The following SIX3 variants were observed in gnomAD, a reference collection of about 807,000 sequenced individuals.
SIX3 encodes the protein homeobox protein SIX3.
Under a neutral mutation model 21.7 loss-of-function variants are expected in SIX3, and 2 were observed. The ratio of observed to expected loss-of-function variants is 0.09; its 90% confidence interval spans 0.04 to 0.29. The LOEUF (loss-of-function observed/expected upper bound fraction) is 0.29, where lower values mean the gene tolerates loss of function less well. Among genes scored for constraint, SIX3 ranks in the 10% least tolerant of loss-of-function variants. SIX3 has a pLI of 1.00. For missense variants in SIX3, 347 were observed against 480.7 expected, an observed-to-expected ratio of 0.72 and a Z score of 2.60; for synonymous variants, 243 against 220.6, an observed-to-expected ratio of 1.10 and a Z score of -0.90.
Position 44,944,603 on chromosome 2 carries a change from G to A in SIX3, c.842G>A (p.Arg281His). ...CAGGCCATTGGACCGAGCGGCATGCGCTCGCTGGCCGAGCCCGGCTGCCCC... is the reference window on the plus strand; with the variant it reads ...CAGGCCATTGGACCGAGCGGCATGCACTCGCTGGCCGAGCCCGGCTGCCCC... ...QHQAIGPSGM[R>H]SLAEPGCPTH... Residue 281 changes from arginine (R) to histidine (H), a missense_variant, in exon 2 of 2, where the codon CGC becomes CAC. Arg to His is a conservative substitution (Grantham distance 29). Coordinates refer to ENST00000260653, the MANE Select transcript of SIX3 (RefSeq NM_005413.4). 1 of 1,576,328 alleles carries A rather than the reference G, an allele frequency of 6.3e-7. No homozygotes were observed. The highest frequency in any genetic ancestry group is 8.6e-7 in the Non-Finnish European group (1 of 1,168,210).
chr2:44,941,915 T>C lies in SIX3; in HGVS notation c.-190T>C. ...GTGGCTGCGCGGGTGTGTGTGTGTG[T>C]GGATGTGTGTGGGGTGTGGGTGTCC... is the stretch of plus-strand genomic sequence containing the variant. On this transcript the variant is annotated 5_prime_UTR_variant, in exon 1 of 2. Coordinates refer to ENST00000260653, the MANE Select transcript of SIX3 (RefSeq NM_005413.4). 1.8e-6 allele frequency: 1 copy of C among 564,616 alleles called. No individual in the cohort carries two copies. Among genetic ancestry groups the C allele is most frequent in the Non-Finnish European group, 3.3e-6 (1 of 301,000 alleles). 35.0% of individuals were successfully genotyped at this position (564,616 alleles called of 1,614,324 possible). A position where few individuals can be genotyped will look rare whatever the true frequency, so the allele number is the denominator to read the frequency against.
Position 44,942,958 on chromosome 2 carries a change from A to G in SIX3, c.806+48A>G. The G allele has an allele frequency of 1.3e-6, 2 of 1,570,054 alleles. No homozygotes were observed. Among genetic ancestry groups the G allele is most frequent in the Non-Finnish European group, 1.7e-6 (2 of 1,165,740 alleles). ...TGGCTACAGCCTCAGAGGCCTGGGA[A>G]GGGGAGAGGGGTTGAGATGGGGCTA... is the stretch of plus-strand genomic sequence containing the variant. On this transcript the variant is annotated intron_variant, in intron 1 of 1. Transcript: ENST00000260653. This position sits in a 1 kb window ranked among gnomAD's most constrained non-coding sequence, Gnocchi z 8.4.
chr2:44,944,177 G>C (rs992010832), intron 1 of SIX3, among the ~76,000 whole-genome samples: 3 of 152,252 alleles, frequency 2.0e-5, no homozygotes, highest in Admixed American at 2.0e-4. Context: ...CTGGCATCCA[G>C]AGAGCAAAGT....
At chr2:44,944,513 G>T (rs1195441755) in intron 1 of SIX3, 55 bp from the exon 2 acceptor site, 1 of 1,516,846 alleles carries the variant, frequency 6.6e-7, no homozygotes, top group Non-Finnish European at 8.8e-7. Context: ...CGGCGCGGGG[G>T]AGCCGGGTGG....
At chr2:44,944,219 TG>T (rs1666643206) in intron 1 of SIX3, among the ~76,000 whole-genome samples, 1 of 152,134 alleles carries the variant, frequency 6.6e-6, no homozygotes, top group East Asian at 1.9e-4. Flanking sequence ...GGCCGGGCGG[TG>T]GGGAACCCGC....
chr2:44,942,010 C>T lies in SIX3; in HGVS notation c.-95C>T. On this transcript the variant is annotated 5_prime_UTR_variant, in exon 1 of 2. Transcript: ENST00000260653. The surrounding 1 kb of genome is among the most constrained non-coding windows in gnomAD (Gnocchi z 8.4). ...TTTCCTTCTCCTCCTCCCCCCTCTC[C>T]TCTCCCTCCTCCTGGTCCTCATCGC... 4 of 890,202 alleles carry T rather than the reference C, an allele frequency of 4.5e-6. No homozygotes were observed. The highest frequency in any genetic ancestry group is 3.0e-5 in the East Asian group (1 of 33,162). 55.1% of individuals were successfully genotyped at this position (890,202 alleles called of 1,614,324 possible). A position where few individuals can be genotyped will look rare whatever the true frequency, so the allele number is the denominator to read the frequency against.
chr2:44,942,624 T>G lies in SIX3; in HGVS notation c.520T>G (p.Tyr174Asp). 6.3e-7 allele frequency: 1 copy of G among 1,596,032 alleles called. No homozygotes were observed. The highest frequency in any genetic ancestry group is 8.5e-7 in the Non-Finnish European group (1 of 1,178,684). Residue 174 changes from tyrosine to aspartate, a missense_variant, in exon 1 of 2, where the codon TAC becomes GAC. Tyr to Asp is a radical substitution (Grantham distance 160, BLOSUM62 -3). This residue lies in a region of SIX3 where 117 missense variants were observed against 205.9 expected (regional missense o/e 0.57). Coordinates refer to ENST00000260653, the MANE Select transcript of SIX3 (RefSeq NM_005413.4). This position sits in a 1 kb window ranked among gnomAD's most constrained non-coding sequence, Gnocchi z 8.4. ...KLQAMWLEAH[Y>D]QEAEKLRGRP... ...GCAGGCCATGTGGCTCGAGGCGCACTACCAGGAGGCCGAGAAGCTGCGCGG... is the reference window on the plus strand; with the variant it reads ...GCAGGCCATGTGGCTCGAGGCGCACGACCAGGAGGCCGAGAAGCTGCGCGG...
chr2:44,944,810 C>T lies in SIX3; in HGVS notation c.*50C>T. 6.8e-7 allele frequency: 1 copy of T among 1,476,826 alleles called. No homozygotes were observed. Among genetic ancestry groups the T allele is most frequent in the Non-Finnish European group, 9.2e-7 (1 of 1,092,350 alleles). The allele number at this position is 1,476,826 out of a possible 1,614,324, so 91.5% of individuals were successfully genotyped here. Reference sequence around the variant, plus strand: ...TCCTTCCCCTCCTCCCCCACTCCTTCCCCTCCGCCTCCTAGCCCTCCTCCT... The same window carrying T: ...TCCTTCCCCTCCTCCCCCACTCCTTTCCCTCCGCCTCCTAGCCCTCCTCCT... On this transcript the variant is annotated 3_prime_UTR_variant, in exon 2 of 2. Transcript: ENST00000260653.
intron 1 of SIX3, among the ~76,000 whole-genome samples, chr2:44,944,020 G>A (rs1666637589): frequency 6.6e-6 from 1 of 152,248 alleles, no homozygotes; most frequent in Non-Finnish European, 1.5e-5. Context: ...CCAGGCAGAA[G>A]GTTCCCGGTG....
rs761932777 is a variant in SIX3 at position 44,942,532 on chromosome 2, G to A, written c.428G>A (p.Gly143Asp). The A allele has an allele frequency of 4.0e-5, 64 of 1,598,280 alleles. 1 individual carries two copies. Among genetic ancestry groups the A allele is most frequent in the African/African-American group, 1.3e-5 (1 of 74,890 alleles). Residue 143 changes from glycine to aspartate, a missense_variant, in exon 1 of 2, where the codon GGC (glycine) becomes GAC (aspartate). This residue lies in a region of SIX3 where 117 missense variants were observed against 205.9 expected (regional missense o/e 0.57). Transcript: ENST00000260653. The surrounding 1 kb of genome is among the most constrained non-coding windows in gnomAD (Gnocchi z 8.4). ...CGCGCCGTGGTCGCCTTCCACACGGGCAACTTCCGCGACCTCTACCACATC... is the reference window on the plus strand; with the variant it reads ...CGCGCCGTGGTCGCCTTCCACACGGACAACTTCCGCGACCTCTACCACATC... ...RARAVVAFHT[G>D]NFRDLYHILE...
At position 44,941,807 on chromosome 2, in the gene SIX3, T is replaced by TCTCCCTCTCCC; in HGVS notation, c.-295_-294insCCTCTCCCCTC. ...CGGCGGTGGTTGGCTCTCCCTCTCC[T>TCTCCCTCTCCC]CTCTCCCTCTCCCTCTCCCTCTCTG... On this transcript the variant is annotated 5_prime_UTR_variant, in exon 1 of 2. Coordinates refer to ENST00000260653, the MANE Select transcript of SIX3 (RefSeq NM_005413.4). 1 of 360,422 alleles carries TCTCCCTCTCCC rather than the reference T, an allele frequency of 2.8e-6. No homozygotes were observed. The highest frequency in any genetic ancestry group is 5.2e-6 in the Non-Finnish European group (1 of 190,874). 22.3% of individuals were successfully genotyped at this position (360,422 alleles called of 1,614,324 possible).
chr2:44,945,982 T>C lies in SIX3; in HGVS notation c.*1222T>C, dbSNP rs1666685863. 6.6e-6 allele frequency: 1 copy of C among 152,280 alleles called. No homozygotes were observed. Among genetic ancestry groups the C allele is most frequent in the African/African-American group, 2.4e-5 (1 of 41,474 alleles). 9.4% of individuals were successfully genotyped at this position (152,280 alleles called of 1,614,324 possible). A position where few individuals can be genotyped will look rare whatever the true frequency, so the allele number is the denominator to read the frequency against. ...CTTCAGAGGTATCTCTCACTCCCTGTAGGGCGCTTTTACTGTTATCTTAAA... is the reference window on the plus strand; with the variant it reads ...CTTCAGAGGTATCTCTCACTCCCTGCAGGGCGCTTTTACTGTTATCTTAAA... On this transcript the variant is annotated 3_prime_UTR_variant, in exon 2 of 2. Transcript: ENST00000260653.
chr2:44,944,173 TCCAGA>T, intron 1 of SIX3, among the ~76,000 whole-genome samples: 1 of 152,370 alleles, frequency 6.6e-6, no homozygotes, highest in Middle Eastern at 3.4e-3. Flanking sequence ...TGCGCTGGCA[TCCAGA>T]GAGCAAAGTA....
In SIX3 at chr2:44,941,884, C is replaced by T. The variant is rs562764054; in HGVS notation, c.-221C>T. 4 of 461,782 alleles carry T rather than the reference C, an allele frequency of 8.7e-6. No individual in the cohort carries two copies. The highest frequency in any genetic ancestry group is 5.1e-5 in the South Asian group (2 of 39,548). 28.6% of individuals were successfully genotyped at this position (461,782 alleles called of 1,614,324 possible). A position where few individuals can be genotyped will look rare whatever the true frequency, so the allele number is the denominator to read the frequency against. ...CACCGGGCCGCTCTCCTACCTCCCT[C>T]TCTATGTGGCTGCGCGGGTGTGTGT... On this transcript the variant is annotated 5_prime_UTR_variant, in exon 1 of 2. Transcript: ENST00000260653.
Position 44,942,385 on chromosome 2 carries a change from G to T in SIX3, c.281G>T (p.Ser94Ile). 6.3e-7 allele frequency: 1 copy of T among 1,596,980 alleles called. No individual in the cohort carries two copies. Among genetic ancestry groups the T allele is most frequent in the Non-Finnish European group, 8.5e-7 (1 of 1,179,188 alleles). ...TLNFSPEQVA[S>I]VCETLEETGD... Reference sequence around the variant, plus strand: ...AACTTCTCGCCGGAGCAGGTGGCCAGCGTCTGTGAGACGCTGGAGGAGACG... The same window carrying T: ...AACTTCTCGCCGGAGCAGGTGGCCATCGTCTGTGAGACGCTGGAGGAGACG... Residue 94 changes from serine (S) to isoleucine (I), a missense_variant, in exon 1 of 2, where the codon AGC becomes ATC. This residue lies in a region of SIX3 where 117 missense variants were observed against 205.9 expected (regional missense o/e 0.57). Transcript: ENST00000260653. The surrounding 1 kb of genome is among the most constrained non-coding windows in gnomAD (Gnocchi z 8.4).
Position 44,942,164 on chromosome 2 carries a change from C to A in SIX3, c.60C>A (p.Ala20=), listed in dbSNP as rs370774455. 9.4e-6 allele frequency: 15 copies of A among 1,598,314 alleles called. No individual in the cohort carries two copies. Among genetic ancestry groups the A allele is most frequent in the Non-Finnish European group, 1.3e-5 (15 of 1,179,386 alleles). ...CCCACTTCTTGTTGCCAAACTTCGC[C>A]GATTCTCACCACCGCTCCATACTTC... ...YSSHFLLPNF[A]DSHHRSILLA... The change falls in exon 1 of 2, where the codon GCC becomes GCA. Residue 20 remains alanine (A), a synonymous_variant. Coordinates refer to ENST00000260653, the MANE Select transcript of SIX3 (RefSeq NM_005413.4). The surrounding 1 kb of genome is among the most constrained non-coding windows in gnomAD (Gnocchi z 8.4).
intron 1 of SIX3, among the ~76,000 whole-genome samples, chr2:44,944,181 G>A (rs1666641453): frequency 6.6e-6 from 1 of 152,260 alleles, no homozygotes; most frequent in Non-Finnish European, 1.5e-5. Context: ...CATCCAGAGA[G>A]CAAAGTATGC....
chr2:44,942,119 C>T lies in SIX3; in HGVS notation c.15C>T (p.Ser5=), dbSNP rs763869939. ...CAGGTCAGTCCATGGTATTCCGCTCCCCCCTAGACCTCTATTCCTCCCACT... is the reference window on the plus strand; with the variant it reads ...CAGGTCAGTCCATGGTATTCCGCTCTCCCCTAGACCTCTATTCCTCCCACT... MVFR[S]PLDLYSSHFL... Residue 5 remains serine, a synonymous_variant, in exon 1 of 2, where the codon TCC becomes TCT. Transcript: ENST00000260653. The surrounding 1 kb of genome is among the most constrained non-coding windows in gnomAD (Gnocchi z 8.4). The T allele has an allele frequency of 1.1e-5, 17 of 1,595,090 alleles. No individual in the cohort carries two copies. The South Asian group carries it at 1.2e-4, about 11-fold the overall frequency.
Position 44,941,862 on chromosome 2 carries a change from C to A in SIX3, c.-243C>A. 1 of 401,956 alleles carries A rather than the reference C, an allele frequency of 2.5e-6. No individual in the cohort carries two copies. The allele number at this position is 401,956 out of a possible 1,614,324, so 24.9% of individuals were successfully genotyped here. ...GGGTTCTCTCTCTGCGCGCGCGCAC[C>A]GGGCCGCTCTCCTACCTCCCTCTCT... On this transcript the variant is annotated 5_prime_UTR_variant, in exon 1 of 2. Coordinates refer to ENST00000260653, the MANE Select transcript of SIX3 (RefSeq NM_005413.4).
Sources: gnomAD v4.1 joint callset for allele counts (sites outside exome capture counted in the v4.1 genomes callset) on GRCh38, gnomAD v4.1.1 for gene constraint, gnomAD v4.1.1 regional missense constraint, Gnocchi (gnomAD v3.1) non-coding constraint, MANE v1.5 for transcripts, NCBI Gene and HGNC (gene_info 2026-07-23, HGNC 2026-07-21) for gene names.